The following CCDC74A variants were observed in gnomAD, a reference collection of about 807,000 sequenced individuals.
The protein encoded by CCDC74A is coiled-coil domain containing 74A, also known as coiled-coil domain-containing protein 74A.
In CCDC74A, 38 loss-of-function variants were observed where a neutral mutation model predicts 37.6. The ratio of observed to expected loss-of-function variants is 1.01; its 90% CI spans 0.78 to 1.33. The LOEUF (loss-of-function observed/expected upper bound fraction) is 1.33, where lower values mean the gene tolerates loss of function less well. CCDC74A is among the 40% of genes most tolerant of loss of function. The probability of loss-of-function intolerance (pLI) is 0.00; values close to 1 mark genes in which losing one functional copy is unlikely to be tolerated. For missense variants in CCDC74A, 340 were observed against 403.4 expected (o/e 0.84, Z 1.35); for synonymous variants, 134 against 165.2 (o/e 0.81, Z 1.45).
Position 131,533,297 on chromosome 2 carries a change from A to G in CCDC74A, c.838A>G (p.Ile280Val), listed in dbSNP as rs373925869. The change falls in exon 8 of 8, where the codon ATC (isoleucine) becomes GTC (valine). Residue 280 changes from isoleucine to valine, a missense_variant. Transcript: ENST00000409856. ...CLSPPVAERA[I>V]LPALKQTPKN... ...GAGCCCACCTGTGGCGGAGCGTGCCATCCTGCCCGCACTGAAGCAGACCCC... is the reference window on the plus strand; with the variant it reads ...GAGCCCACCTGTGGCGGAGCGTGCCGTCCTGCCCGCACTGAAGCAGACCCC... 1 of 1,613,226 alleles carries G rather than the reference A, an allele frequency of 6.2e-7. No individual in the cohort carries two copies.
At chr2:131,525,970 G>A (rs1250111820), upstream of CCDC74A, among the ~76,000 whole-genome samples, 1 of 150,768 alleles carries the variant, frequency 6.6e-6, no homozygotes, top group Non-Finnish European at 1.5e-5. Context: ...CGCCCGCCTC[G>A]GCCTCCAAAT....
Position 131,533,362 on chromosome 2 carries a change from A to T in CCDC74A, c.903A>T (p.Ala301=). ...CCGAGAGGCAGAAGAGGCTGCAGGC[A>T]ATGCAGAAACGGCGCCTGCATCGCT... ...NFAERQKRLQ[A]MQKRRLHRSV... Residue 301 remains alanine (A), a synonymous_variant, in exon 8 of 8, where the codon GCA becomes GCT. Coordinates refer to ENST00000409856, the MANE Select transcript of CCDC74A (RefSeq NM_001258306.3). The T allele has an allele frequency of 6.2e-7, 1 of 1,613,562 alleles. No individual in the cohort carries two copies. The highest frequency in any genetic ancestry group is 8.5e-7 in the Non-Finnish European group (1 of 1,179,986).
Position 131,528,229 on chromosome 2 carries a change from G to A in CCDC74A, c.250+9G>A, listed in dbSNP as rs761784649. ...GAAGCGGGAAAACAAGGGTGAGCCG[G>A]CGCGGGGCCCTAGGCCGGCCCTGCC... On this transcript the variant is annotated intron_variant, in intron 1 of 7. Transcript: ENST00000409856. 1.9e-6 allele frequency: 3 copies of A among 1,610,992 alleles called. No individual in the cohort carries two copies. In the African/African-American group the frequency reaches 4.0e-5, roughly 22 times the overall value.
upstream of CCDC74A, among the ~76,000 whole-genome samples, chr2:131,523,858 T>C (rs191381153): frequency 0.026 from 3,907 of 151,904 alleles, 118 homozygotes; most frequent in East Asian, 0.1. Context: ...ACTGCATGTG[T>C]TTAGGAACTC....
intron 4 of CCDC74A, among the ~76,000 whole-genome samples, chr2:131,532,013 G>A (rs1464463428): frequency 1.3e-5 from 2 of 150,124 alleles, no homozygotes; most frequent in Non-Finnish European, 3.0e-5. Context: ...CCTTCCCCTG[G>A]GGGTCCTGCA....
At chr2:131,530,417 C>G in intron 2 of CCDC74A, 1 of 1,548,758 alleles carries the variant, frequency 6.5e-7, no homozygotes, top group Non-Finnish European at 8.7e-7. Context: ...GGGCCCTTCC[C>G]TAGCCGCTGT....
rs139046834 is a variant in CCDC74A at position 131,530,764 on chromosome 2, C to T, written c.296-13C>T. 2.7e-3 allele frequency: 4,398 copies of T among 1,606,638 alleles called. 5 individuals carry two copies. The highest frequency in any genetic ancestry group is 3.3e-3 in the Non-Finnish European group (3,847 of 1,174,118). On this transcript the variant is annotated splice_polypyrimidine_tract_variant and intron_variant, in intron 2 of 7. Transcript: ENST00000409856. ...TGCGGGCGGTAGCGCCGACACTGTG[C>T]GCTCTCCTGCAGACAGCCTCTCCAT...
intron 1 of CCDC74A, chr2:131,528,461 C>T: frequency 6.5e-7 from 1 of 1,547,912 alleles, no homozygotes; most frequent in Admixed American, 2.0e-5. Flanking sequence ...ATTTCAGATG[C>T]TGACTCCGCC....
Position 131,529,946 on chromosome 2 carries a change from C to A in CCDC74A, c.295+255C>A, listed in dbSNP as rs532941418. ...AGTGGGGAGGTGGGCACAGGGTGCT[C>A]CCCAGACCTCCCTCCTCCAAGTAGA... On this transcript the variant is annotated intron_variant, in intron 2 of 7. Transcript: ENST00000409856. The A allele has an allele frequency of 2.3e-5, 34 of 1,506,080 alleles. No homozygotes were observed. In the East Asian group the frequency reaches 8.1e-4, roughly 36 times the overall value. The allele number at this position is 1,506,080 out of a possible 1,614,324, so 93.3% of individuals were successfully genotyped here.
At chr2:131,524,886 C>CAAAAA (rs57589680), upstream of CCDC74A, among the ~76,000 whole-genome samples, 3 of 98,248 alleles carry the variant, frequency 3.1e-5, no homozygotes, top group African/African-American at 4.1e-5. Context: ...CATAGTAAGA[C>CAAAAA]AAAAAAAAAA....
At chr2:131,531,120 T>C (rs1161032823) in intron 3 of CCDC74A, among the ~76,000 whole-genome samples, 57 of 152,000 alleles carry the variant, frequency 3.8e-4, no homozygotes, top group Admixed American at 5.2e-4. Context: ...CTAGGGAGGA[T>C]GTACCCTGGC....
At chr2:131,529,433 G>T in intron 1 of CCDC74A, 1 of 708,812 alleles carries the variant, frequency 1.4e-6, no homozygotes, top group Non-Finnish European at 2.5e-6. Flanking sequence ...CGATATGCCC[G>T]GTGGGCTCTG....
Position 131,532,714 on chromosome 2 carries a change from C to T in CCDC74A, c.611C>T (p.Thr204Ile). ...MILPLPLRKP[T>I]TLRQCEVLIR... The stretch of plus-strand genomic sequence containing the variant: ...CTGCCCCTTCCCCTGCGAAAGCCCA[C>T]CACACTTAGGCAGTGCGAAGTGCTC... The change falls in exon 5 of 8, where the codon ACC (threonine) becomes ATC (isoleucine). Residue 204 changes from threonine (T) to isoleucine (I), a missense_variant. Around this residue, in one of 3 missense-constraint regions of CCDC74A, gnomAD observed 185 missense variants for 231.5 expected, o/e 0.80. Coordinates refer to ENST00000409856, the MANE Select transcript of CCDC74A (RefSeq NM_001258306.3). 16 of 1,613,666 alleles carry T rather than the reference C, an allele frequency of 9.9e-6. No homozygotes were observed. Among genetic ancestry groups the T allele is most frequent in the Non-Finnish European group, 1.2e-5 (14 of 1,179,784 alleles).
At position 131,532,641 on chromosome 2, in the gene CCDC74A, C is replaced by T. The variant is rs551127805; in HGVS notation, c.538C>T (p.Gln180Ter). 10 of 1,610,996 alleles carry T rather than the reference C, an allele frequency of 6.2e-6. 1 individual carries two copies. The East Asian group carries it at 1.8e-4, about 29-fold the overall frequency. Residue 180 changes from glutamine to a stop codon, truncating the protein, a stop_gained, in exon 5 of 8, where the codon CAG (glutamine) becomes TAG (stop). Coordinates refer to ENST00000409856, the MANE Select transcript of CCDC74A (RefSeq NM_001258306.3). LOFTEE classifies it high-confidence loss of function. Reference protein sequence around the residue: ...NAGAACMGNSQHQGRQMGAGA... With the variant: ...NAGAACMGNS The stretch of plus-strand genomic sequence containing the variant: ...AGGAGCTGCCTGTATGGGGAACAGC[C>T]AGCACCAGGGCAGGCAGATGGGGGC...
Position 131,533,568 on chromosome 2 carries a change from T to C in CCDC74A, c.*170T>C. 1.1e-6 allele frequency: 1 copy of C among 932,374 alleles called. No individual in the cohort carries two copies. 57.8% of individuals were successfully genotyped at this position (932,374 alleles called of 1,614,324 possible). On this transcript the variant is annotated 3_prime_UTR_variant, in exon 8 of 8. Coordinates refer to ENST00000409856, the MANE Select transcript of CCDC74A (RefSeq NM_001258306.3). ...CCAAACTGACAAACTGTTTATTTTC[T>C]AGCTGTTATTTTGCTATTTGGCATT...
At chr2:131,523,466 A>T (rs568749658), upstream of CCDC74A, among the ~76,000 whole-genome samples, 4 of 152,056 alleles carry the variant, frequency 2.6e-5, no homozygotes, top group Non-Finnish European at 5.9e-5. Flanking sequence ...CATCTCTACT[A>T]AAAATACAAA....
Position 131,527,889 on chromosome 2 carries a change from T to A in CCDC74A, c.-82T>A. 7.1e-7 allele frequency: 1 copy of A among 1,402,080 alleles called. No individual in the cohort carries two copies. The highest frequency in any genetic ancestry group is 1.5e-5 in the African/African-American group (1 of 65,324). 86.9% of individuals were successfully genotyped at this position (1,402,080 alleles called of 1,614,324 possible). ...CGCGCCTTCCGTCGCCCGGTTTCCA[T>A]GGTGACGGGGCGCCAGGCTAGGGCG... On this transcript the variant is annotated 5_prime_UTR_variant, in exon 1 of 8. An upstream start codon of the reference 5' UTR is lost. Transcript: ENST00000409856.
chr2:131,529,905 G>T (rs576129078), intron 2 of CCDC74A: 220 of 1,498,596 alleles, frequency 1.5e-4, no homozygotes, highest in South Asian at 6.9e-4. Flanking sequence ...GGAAGCCCAG[G>T]GCCTGAGGTC....
chr2:131,528,287 A>C (rs978737562), intron 1 of CCDC74A, 67 bp downstream of exon 1: 1 of 1,584,152 alleles, frequency 6.3e-7, no homozygotes, highest in Admixed American at 1.8e-5. Flanking sequence ...CCGCTCCCGC[A>C]GCACAGAAAC....
Sources: gnomAD v4.1 joint callset for allele counts (sites outside exome capture counted in the v4.1 genomes callset) on GRCh38, gnomAD v4.1.1 for gene constraint, gnomAD v4.1.1 regional missense constraint, MANE v1.5 for transcripts, NCBI Gene and HGNC (gene_info 2026-07-23, HGNC 2026-07-21) for gene names.